Variants in KCNK13 observed in about 807,000 individuals in gnomAD.
The protein encoded by KCNK13 is potassium channel subfamily K member 13.
KCNK13 carries 12 observed loss-of-function variants against 23.4 expected under a neutral mutation model. That is an observed-to-expected ratio of 0.51 (90% CI 0.33 to 0.83). The LOEUF (loss-of-function observed/expected upper bound fraction) is 0.83, where lower values mean the gene tolerates loss of function less well. Ranked by LOEUF, KCNK13 falls within the 40% of genes least tolerant of loss-of-function variation. KCNK13 has a pLI of 0.02. For missense variants in KCNK13, 463 were observed against 556.3 expected, an observed-to-expected ratio of 0.83 and a Z score of 1.69; for synonymous variants, 231 against 229.5, an observed-to-expected ratio of 1.01 and a Z score of -0.06.
intron 1 of KCNK13, among the ~76,000 whole-genome samples, chr14:90,163,028 A>G (rs554009782): frequency 6.6e-6 from 1 of 152,050 alleles, no homozygotes; most frequent in East Asian, 1.9e-4. Context: ...TGAAAAATGT[A>G]GGCAATGAAG....
intron 1 of KCNK13, among the ~76,000 whole-genome samples, chr14:90,143,023 C>A (rs1230779239): frequency 6.6e-6 from 1 of 152,066 alleles, no homozygotes; most frequent in Non-Finnish European, 1.5e-5. Flanking sequence ...CCTCTGGTGC[C>A]AATTGCTGGG....
chr14:90,063,988 G>A (rs1888977517), intron 1 of KCNK13, among the ~76,000 whole-genome samples: 1 of 152,170 alleles, frequency 6.6e-6, no homozygotes, highest in Non-Finnish European at 1.5e-5. Flanking sequence ...TATCAGGCAG[G>A]AAACCTTGCA....
chr14:90,104,791 CTTTT>C (rs66511223), intron 1 of KCNK13, among the ~76,000 whole-genome samples: 2 of 113,518 alleles, frequency 1.8e-5, no homozygotes, highest in South Asian at 3.0e-4. Context: ...CTTTTCTTTT[CTTTT>C]TTTTTTTTTT....
chr14:90,156,271 T>A (rs890290558), intron 1 of KCNK13, among the ~76,000 whole-genome samples: 6 of 149,356 alleles, frequency 4.0e-5, no homozygotes, highest in Non-Finnish European at 8.9e-5. Context: ...CCAAATGATA[T>A]CATCAAGGGA....
intron 1 of KCNK13, among the ~76,000 whole-genome samples, chr14:90,078,711 G>C (rs915643585): frequency 2.0e-5 from 3 of 152,088 alleles, no homozygotes; most frequent in African/African-American, 7.2e-5. Flanking sequence ...TGGGCTAATG[G>C]GTGAAGACCG....
chr14:90,178,450 C>T (rs1302830246), intron 1 of KCNK13, among the ~76,000 whole-genome samples: 1 of 151,944 alleles, frequency 6.6e-6, no homozygotes, highest in Non-Finnish European at 1.5e-5. Flanking sequence ...TGCCACCACC[C>T]CGGCTAATTT....
chr14:90,077,628 T>C (rs1166795115), intron 1 of KCNK13, among the ~76,000 whole-genome samples: 3 of 152,246 alleles, frequency 2.0e-5, no homozygotes, highest in Non-Finnish European at 4.4e-5. Context: ...CTCCATTGTC[T>C]GATGGCCGTC....
At chr14:90,134,169 G>T (rs1394054405) in intron 1 of KCNK13, among the ~76,000 whole-genome samples, 1 of 149,646 alleles carries the variant, frequency 6.7e-6, no homozygotes, top group Non-Finnish European at 1.5e-5. Flanking sequence ...AGTGAGCTGT[G>T]CGTGCCTCTG....
chr14:90,141,328 A>G (rs1890002548), intron 1 of KCNK13, among the ~76,000 whole-genome samples: 1 of 152,248 alleles, frequency 6.6e-6, no homozygotes, highest in East Asian at 1.9e-4. Flanking sequence ...TAGTCTGCAC[A>G]TACTTGACAA....
chr14:90,107,007 T>C (rs1170242626), intron 1 of KCNK13, among the ~76,000 whole-genome samples: 5 of 152,056 alleles, frequency 3.3e-5, no homozygotes, highest in Non-Finnish European at 7.4e-5. Context: ...GGAGACAGAC[T>C]GAGACTCCAT....
intron 1 of KCNK13, among the ~76,000 whole-genome samples, chr14:90,121,916 C>T (rs1050402405): frequency 2.0e-5 from 3 of 152,022 alleles, no homozygotes; most frequent in Non-Finnish European, 4.4e-5. Context: ...GATGGAGTTT[C>T]ACCATGTTGG....
At chr14:90,132,208 T>C (rs1889883117) in intron 1 of KCNK13, among the ~76,000 whole-genome samples, 1 of 152,210 alleles carries the variant, frequency 6.6e-6, no homozygotes, top group Non-Finnish European at 1.5e-5. Flanking sequence ...TGTAATTCCA[T>C]TGATACGATG....
intron 1 of KCNK13, among the ~76,000 whole-genome samples, chr14:90,134,412 A>G (rs1030419314): frequency 5.3e-5 from 8 of 152,158 alleles, no homozygotes; most frequent in African/African-American, 1.7e-4. Flanking sequence ...TTCCTGTTGT[A>G]GTTTATGGAA....
chr14:90,144,495 C>CTTTTTTTTTTTTTTTTTTTT lies in KCNK13; in HGVS notation c.335-39599_335-39598insTTTTTTTTTTTTTTTTTTTT, dbSNP rs71117323. ...GAGAATGAAGGCTGTTTTACTTTCT[C>CTTTTTTTTTTTTTTTTTTTT]TTTTTTTTTTTTTTTTTGTGAGATA... On this transcript the variant is annotated intron_variant, in intron 1 of 1. Coordinates refer to ENST00000282146, the MANE Select transcript of KCNK13 (RefSeq NM_022054.4). Among the ~76,000 whole-genome samples, 3 of 119,240 alleles carry CTTTTTTTTTTTTTTTTTTTT rather than the reference C, an allele frequency of 2.5e-5. 1 individual carries two copies. Among genetic ancestry groups the CTTTTTTTTTTTTTTTTTTTT allele is most frequent in the Admixed American group, 1.0e-4 (1 of 9,544 alleles). The allele number at this position is 119,240 out of a possible 152,430, so 78.2% of individuals were successfully genotyped here.
intron 1 of KCNK13, among the ~76,000 whole-genome samples, chr14:90,166,421 G>T (rs1055935251): frequency 6.6e-6 from 1 of 152,130 alleles, no homozygotes; most frequent in African/African-American, 2.4e-5. Context: ...ATTTTCTTTG[G>T]GTTGCCGGGC....
rs77038942 is a variant in KCNK13 at position 90,183,974 on chromosome 14, C to T, written c.335-137C>T. 498 of 759,280 alleles carry T rather than the reference C, an allele frequency of 6.6e-4. 1 individual carries two copies. The African/African-American group carries it at 7.9e-3, about 12-fold the overall frequency. 47.0% of individuals were successfully genotyped at this position (759,280 alleles called of 1,614,324 possible). A position where few individuals can be genotyped will look rare whatever the true frequency, so the allele number is the denominator to read the frequency against. ...TCAAAAGCAGGTGAGAATTCTCCTG[C>T]TCATTCCTAGAAAGACTAAGGCTGA... On this transcript the variant is annotated intron_variant, in intron 1 of 1. Coordinates refer to ENST00000282146, the MANE Select transcript of KCNK13 (RefSeq NM_022054.4).
chr14:90,085,759 T>C (rs901179574), intron 1 of KCNK13, among the ~76,000 whole-genome samples: 10 of 132,398 alleles, frequency 7.6e-5, no homozygotes, highest in African/African-American at 2.5e-4. Context: ...ATATATTATA[T>C]ATTATATAAA....
intron 1 of KCNK13, among the ~76,000 whole-genome samples, chr14:90,100,503 C>G (rs1198203326): frequency 6.6e-6 from 1 of 152,196 alleles, no homozygotes; most frequent in Non-Finnish European, 1.5e-5. Context: ...AAGGCCTAAT[C>G]AGTCCCAAGG....
At chr14:90,096,473 G>A (rs930034535) in intron 1 of KCNK13, among the ~76,000 whole-genome samples, 3 of 152,156 alleles carry the variant, frequency 2.0e-5, no homozygotes, top group African/African-American at 7.2e-5. Context: ...TGAATTCTTA[G>A]TCCTCTTTGC....
Sources: gnomAD v4.1 joint callset for allele counts (sites outside exome capture counted in the v4.1 genomes callset) on GRCh38, gnomAD v4.1.1 for gene constraint, MANE v1.5 for transcripts, NCBI Gene and HGNC (gene_info 2026-07-23, HGNC 2026-07-21) for gene names.